RPRD2: variants seen among roughly 807,000 people sequenced by gnomAD.
RPRD2 encodes regulation of nuclear pre-mRNA domain containing 2.
RPRD2 carries 12 observed loss-of-function variants against 104.4 expected under a neutral mutation model. The ratio of observed to expected loss-of-function variants is 0.11; its 90% CI spans 0.07 to 0.19. The LOEUF (loss-of-function observed/expected upper bound fraction) is 0.19. Ranked by LOEUF, RPRD2 falls within the 10% of genes least tolerant of loss-of-function variation. RPRD2 has a pLI of 1.00. For synonymous variants in RPRD2, 714 were observed against 684.9 expected (o/e 1.04, Z -0.66); for missense variants, 1,543 against 1,790.1 (o/e 0.86, Z 2.49).
intron 10 of RPRD2, among the ~76,000 whole-genome samples, chr1:150,468,747 T>C (rs887910689): frequency 3.3e-5 from 5 of 152,222 alleles, no homozygotes; most frequent in Admixed American, 6.5e-5. Flanking sequence ...CATAGTGATG[T>C]ACACCTGTGG....
At chr1:150,389,148 C>G (rs1178244146) in intron 1 of RPRD2, among the ~76,000 whole-genome samples, 1 of 152,054 alleles carries the variant, frequency 6.6e-6, no homozygotes, top group Non-Finnish European at 1.5e-5. Flanking sequence ...GCAATCCTCC[C>G]ACCTCAGACT....
chr1:150,409,380 T>A (rs1663730011), intron 1 of RPRD2, among the ~76,000 whole-genome samples: 1 of 152,158 alleles, frequency 6.6e-6, no homozygotes, highest in South Asian at 2.1e-4. Flanking sequence ...ATTTTTCCCC[T>A]TTTCTTGTCT....
At chr1:150,467,548 A>G (rs1159882931) in intron 10 of RPRD2, among the ~76,000 whole-genome samples, 1 of 151,534 alleles carries the variant, frequency 6.6e-6, no homozygotes, top group Non-Finnish European at 1.5e-5. Context: ...TAATTTTTGT[A>G]TTTTTAGTAG....
chr1:150,441,916 A>T lies in RPRD2; in HGVS notation c.472A>T (p.Asn158Tyr). The change falls in exon 4 of 11, where the codon AAT (asparagine) becomes TAT (tyrosine). Residue 158 changes from asparagine (N) to tyrosine (Y), a missense_variant. Transcript: ENST00000369068. The stretch of plus-strand genomic sequence containing the variant: ...CAAAACTCAGAAGCAGCTGAAAGAA[A>T]ATCTGAACAAACAACCGAATAAGCA... Reference protein sequence around the residue: ...TFKTQKQLKENLNKQPNKQWK... With the variant: ...TFKTQKQLKEYLNKQPNKQWK... 6.2e-7 allele frequency: 1 copy of T among 1,613,288 alleles called. No individual in the cohort carries two copies. The highest frequency in any genetic ancestry group is 8.5e-7 in the Non-Finnish European group (1 of 1,179,666).
chr1:150,368,556 C>G (rs1459531884), intron 1 of RPRD2, among the ~76,000 whole-genome samples: 1 of 151,394 alleles, frequency 6.6e-6, no homozygotes, highest in Non-Finnish European at 1.5e-5. Flanking sequence ...CTCCGCCTCC[C>G]AGGTTCAAGT....
chr1:150,398,013 G>A (rs1382709255), intron 1 of RPRD2, among the ~76,000 whole-genome samples: 1 of 147,338 alleles, frequency 6.8e-6, no homozygotes, highest in African/African-American at 2.5e-5. Context: ...TTTGAGGCAG[G>A]GTCTCACTGT....
At chr1:150,433,153 T>C (rs1010840056) in intron 2 of RPRD2, among the ~76,000 whole-genome samples, 15 of 152,080 alleles carry the variant, frequency 9.9e-5, no homozygotes, top group African/African-American at 3.1e-4. Context: ...ATAAAAATTT[T>C]TTTAAATTTT....
intron 1 of RPRD2, among the ~76,000 whole-genome samples, chr1:150,397,207 C>G (rs1267500403): frequency 1.3e-5 from 2 of 152,164 alleles, no homozygotes; most frequent in Non-Finnish European, 2.9e-5. Context: ...CTCCTGACCT[C>G]ACATGATCCA....
intron 1 of RPRD2, among the ~76,000 whole-genome samples, chr1:150,373,158 T>C (rs1553878801): frequency 2.6e-5 from 4 of 151,902 alleles, no homozygotes; most frequent in African/African-American, 9.7e-5. Flanking sequence ...GGATTACAGG[T>C]GCATGCCACC....
At position 150,476,225 on chromosome 1, in the gene RPRD2, G is replaced by T. The variant is rs998670574; in HGVS notation, c.*2891G>T. On this transcript the variant is annotated 3_prime_UTR_variant, in exon 11 of 11. Transcript: ENST00000369068. ...TTCCAATACCAGGAATAAAATGTTT[G>T]TGATATATATGGGTCCAGCAAACCT... 6.6e-6 allele frequency: 1 copy of T among 152,140 alleles called. No individual in the cohort carries two copies. The highest frequency in any genetic ancestry group is 2.4e-5 in the African/African-American group (1 of 41,408). The allele number at this position is 152,140 out of a possible 1,614,324, so 9.4% of individuals were successfully genotyped here. A position where few individuals can be genotyped will look rare whatever the true frequency, so the allele number is the denominator to read the frequency against.
intron 6 of RPRD2, among the ~76,000 whole-genome samples, chr1:150,445,809 C>G (rs1180551268): frequency 1.3e-5 from 2 of 152,160 alleles, no homozygotes; most frequent in Non-Finnish European, 2.9e-5. Context: ...TGGCTCACAA[C>G]TGTAATCCCA....
intron 1 of RPRD2, among the ~76,000 whole-genome samples, chr1:150,384,440 G>GCATCGT (rs1560154793): frequency 2.6e-5 from 3 of 114,496 alleles, no homozygotes; most frequent in African/African-American, 9.4e-5. Context: ...GGAATAAAAG[G>GCATCGT]CATCATCATC....
At chr1:150,419,962 G>T (rs782357661) in intron 2 of RPRD2, among the ~76,000 whole-genome samples, 1 of 152,054 alleles carries the variant, frequency 6.6e-6, no homozygotes, top group Non-Finnish European at 1.5e-5. Context: ...AGAAACTGTG[G>T]CTTGGAGAGA....
chr1:150,384,814 A>T (rs1374686773), intron 1 of RPRD2, among the ~76,000 whole-genome samples: 7 of 152,096 alleles, frequency 4.6e-5, no homozygotes, highest in Admixed American at 4.6e-4. Flanking sequence ...GCCAAAAGGC[A>T]TGATTTTTAA....
chr1:150,389,511 G>A (rs1465432804), intron 1 of RPRD2, among the ~76,000 whole-genome samples: 1 of 152,140 alleles, frequency 6.6e-6, no homozygotes, highest in African/African-American at 2.4e-5. Flanking sequence ...TTCATCACAT[G>A]ATATCAAGAG....
intron 2 of RPRD2, among the ~76,000 whole-genome samples, chr1:150,421,149 C>G (rs1664727971): frequency 6.6e-6 from 1 of 152,140 alleles, no homozygotes; most frequent in Non-Finnish European, 1.5e-5. Context: ...TGATGATCAA[C>G]TAATAAGATA....
intron 2 of RPRD2, among the ~76,000 whole-genome samples, chr1:150,422,060 C>CA (rs1664791492): frequency 6.6e-6 from 1 of 151,798 alleles, no homozygotes; most frequent in Non-Finnish European, 1.5e-5. Flanking sequence ...TTAAAACTCA[C>CA]ACCTGTAATC....
chr1:150,396,116 T>C (rs374949666), intron 1 of RPRD2, among the ~76,000 whole-genome samples: 1 of 152,206 alleles, frequency 6.6e-6, no homozygotes, highest in African/African-American at 2.4e-5. Flanking sequence ...TTTTTTCATA[T>C]GTTTGTTTGA....
intron 1 of RPRD2, among the ~76,000 whole-genome samples, chr1:150,399,474 C>T (rs587705989): frequency 2.0e-5 from 3 of 152,062 alleles, no homozygotes; most frequent in Non-Finnish European, 4.4e-5. Context: ...AATCGATTGC[C>T]GGCTGGGCGC....
Sources: gnomAD v4.1 joint callset for allele counts (sites outside exome capture counted in the v4.1 genomes callset) on GRCh38, gnomAD v4.1.1 for gene constraint, MANE v1.5 for transcripts, NCBI Gene and HGNC (gene_info 2026-07-23, HGNC 2026-07-21) for gene names.